Variants in FHIT observed in about 807,000 individuals in gnomAD.
FHIT encodes fragile histidine triad diadenosine triphosphatase.
Under a neutral mutation model 17.9 loss-of-function variants are expected in FHIT, and 19 were observed. The ratio of observed to expected loss-of-function variants is 1.06; its 90% CI spans 0.74 to 1.56. The LOEUF (loss-of-function observed/expected upper bound fraction) is 1.56. Ranked by LOEUF, FHIT falls within the 40% of genes most tolerant of loss-of-function variation. The pLI, the probability that FHIT is intolerant of heterozygous loss-of-function variation, is 0.00. For missense variants in FHIT, 248 were observed against 189.2 expected (o/e 1.31, Z -1.82); for synonymous variants, 81 against 69.7 (o/e 1.16, Z -0.81).
At chr3:61,213,869 A>G (rs138182830) in intron 1 of FHIT, among the ~76,000 whole-genome samples, 3,860 of 152,358 alleles carry the variant, frequency 0.025, 77 homozygotes, top group Middle Eastern at 0.051. Context: ...AAACCGCTCA[A>G]TTACATGGAA....
chr3:59,950,233 T>G (rs1212807551), intron 7 of FHIT, among the ~76,000 whole-genome samples: 4 of 152,206 alleles, frequency 2.6e-5, no homozygotes, highest in Non-Finnish European at 5.9e-5. Context: ...GAATTGTCAC[T>G]GCTGTGAGTT....
intron 3 of FHIT, among the ~76,000 whole-genome samples, chr3:60,878,533 C>A (rs188104854): frequency 2.0e-4 from 30 of 151,638 alleles, no homozygotes; most frequent in Non-Finnish European, 4.3e-4. Context: ...GGTACATGTG[C>A]ACAATGTGCA....
rs1316863237 is a variant in FHIT at position 61,227,690 on chromosome 3, A to T, written c.-213+23611T>A. ...AAAATTCTGATTTGTTCTTGCAGAA[A>T]ATTGTTTTTGGATCATTATTCATCT... On this transcript the variant is annotated intron_variant, in intron 1 of 9. Coordinates refer to ENST00000492590, the MANE Select transcript of FHIT (RefSeq NM_002012.4). Among the ~76,000 whole-genome samples the T allele has an allele frequency of 2.0e-5, 3 of 152,158 alleles. No individual in the cohort carries two copies. In the South Asian group the frequency reaches 6.2e-4, roughly 32 times the overall value.
At chr3:60,437,318 G>T (rs1274118073) in intron 5 of FHIT, among the ~76,000 whole-genome samples, 1 of 152,034 alleles carries the variant, frequency 6.6e-6, no homozygotes, top group Non-Finnish European at 1.5e-5. Flanking sequence ...AAAAGGGAGT[G>T]ATTATACAAT....
chr3:59,753,926 C>T (rs573753816), intron 8 of FHIT, among the ~76,000 whole-genome samples: 1 of 152,222 alleles, frequency 6.6e-6, no homozygotes, highest in South Asian at 2.1e-4. Flanking sequence ...TACTGTTCCA[C>T]TCCATTTTGA....
intron 5 of FHIT, among the ~76,000 whole-genome samples, chr3:60,156,349 CAA>C (rs531763537): frequency 0.054 from 5,772 of 106,386 alleles, 329 homozygotes; most frequent in African/African-American, 0.17. Flanking sequence ...GACTCTGTCT[CAA>C]AAAAAAAAAA....
At chr3:60,442,947 A>C (rs538476785) in intron 5 of FHIT, among the ~76,000 whole-genome samples, 1,838 of 152,028 alleles carry the variant, frequency 0.012, 45 homozygotes, top group African/African-American at 0.04. Context: ...CTTTTATTTC[A>C]TTGAGCAGTG....
intron 5 of FHIT, among the ~76,000 whole-genome samples, chr3:60,405,102 C>T (rs186978580): frequency 6.6e-6 from 1 of 152,272 alleles, no homozygotes; most frequent in Non-Finnish European, 1.5e-5. Context: ...GGGGTAGGTA[C>T]CAGGTGGAAC....
intron 5 of FHIT, among the ~76,000 whole-genome samples, chr3:60,226,334 T>C (rs2107543423): frequency 6.6e-6 from 1 of 151,906 alleles, no homozygotes; most frequent in South Asian, 2.1e-4. Flanking sequence ...TAGCCAGGCA[T>C]AGTGGCGCAT....
chr3:60,213,139 A>G (rs751276804), intron 5 of FHIT, among the ~76,000 whole-genome samples: 95 of 152,306 alleles, frequency 6.2e-4, no homozygotes, highest in Non-Finnish European at 1.1e-3. Context: ...CCTCAACTAG[A>G]AAGAGAATTA....
intron 3 of FHIT, among the ~76,000 whole-genome samples, chr3:61,015,299 C>G (rs138337081): frequency 6.6e-6 from 1 of 152,174 alleles, no homozygotes; most frequent in East Asian, 1.9e-4. Context: ...CTCTGACCAG[C>G]CTCTCTGTAT....
intron 5 of FHIT, among the ~76,000 whole-genome samples, chr3:60,300,103 C>A (rs941372110): frequency 6.6e-6 from 1 of 152,022 alleles, no homozygotes; most frequent in Non-Finnish European, 1.5e-5. Flanking sequence ...TCTTGTGTCT[C>A]CAGGTCTCTA....
At chr3:61,184,769 A>G (rs1018050172) in intron 2 of FHIT, among the ~76,000 whole-genome samples, 2 of 152,148 alleles carry the variant, frequency 1.3e-5, no homozygotes, top group Non-Finnish European at 2.9e-5. Context: ...GTCATGAGAG[A>G]AGGTGAGAGG....
At chr3:60,788,860 A>G (rs528281707) in intron 4 of FHIT, among the ~76,000 whole-genome samples, 2 of 152,300 alleles carry the variant, frequency 1.3e-5, no homozygotes, top group South Asian at 4.1e-4. Context: ...TATATATTAT[A>G]TATGGCACAT....
intron 5 of FHIT, among the ~76,000 whole-genome samples, chr3:60,095,002 A>C (rs931852771): frequency 6.6e-6 from 1 of 152,240 alleles, no homozygotes; most frequent in Non-Finnish European, 1.5e-5. Context: ...TTATTTTTTA[A>C]TATCTGTTTT....
intron 5 of FHIT, among the ~76,000 whole-genome samples, chr3:60,215,339 C>T (rs1192978859): frequency 6.6e-6 from 1 of 151,952 alleles, no homozygotes; most frequent in African/African-American, 2.4e-5. Context: ...ACTAGCTAGG[C>T]ATGGTGGTGC....
At chr3:59,769,748 GA>G (rs1354634817) in intron 8 of FHIT, among the ~76,000 whole-genome samples, 7 of 108,970 alleles carry the variant, frequency 6.4e-5, no homozygotes, top group Non-Finnish European at 1.3e-4. Context: ...TTTTTTTTTT[GA>G]AAAAAATGGC....
intron 1 of FHIT, among the ~76,000 whole-genome samples, chr3:61,233,696 A>G (rs2040161116): frequency 6.6e-6 from 1 of 152,234 alleles, no homozygotes; most frequent in Non-Finnish European, 1.5e-5. Flanking sequence ...TATTTCTGCA[A>G]TATGAGAAAA....
chr3:60,321,431 G>T (rs1319155717), intron 5 of FHIT, among the ~76,000 whole-genome samples: 1 of 152,152 alleles, frequency 6.6e-6, no homozygotes, highest in East Asian at 1.9e-4. Flanking sequence ...AGCCACAACT[G>T]CACCACTGTA....
Sources: gnomAD v4.1 joint callset for allele counts (sites outside exome capture counted in the v4.1 genomes callset) on GRCh38, gnomAD v4.1.1 for gene constraint, MANE v1.5 for transcripts, NCBI Gene and HGNC (gene_info 2026-07-23, HGNC 2026-07-21) for gene names.